The following ARHGAP30 variants were observed in gnomAD, a reference collection of about 807,000 sequenced individuals.
ARHGAP30 encodes the protein Rho GTPase activating protein 30, also known as rho GTPase-activating protein 30.
In ARHGAP30, 23 loss-of-function variants were observed where a neutral mutation model predicts 72.0. The observed-to-expected ratio is 0.32, with a 90% CI of 0.23 to 0.45. ARHGAP30 has a LOEUF of 0.45. Among genes scored for constraint, ARHGAP30 ranks in the 20% least tolerant of loss-of-function variants. The probability of loss-of-function intolerance (pLI) is 1.00; values close to 1 mark genes in which losing one functional copy is unlikely to be tolerated. For synonymous variants in ARHGAP30, 576 were observed against 528.2 expected (o/e 1.09, Z -1.24); for missense variants, 1,319 against 1,383.4 (o/e 0.95, Z 0.74).
chr1:161,051,194 C>G, intron 10 of ARHGAP30, 120 bp downstream of exon 10: 1 of 1,461,258 alleles, frequency 6.8e-7, no homozygotes. Context: ...CTAAAGGTAA[C>G]CACCCCAAAG....
Position 161,048,097 on chromosome 1 carries a change from G to T in ARHGAP30, c.2924C>A (p.Pro975His), listed in dbSNP as rs1337376874. Reference sequence around the variant, plus strand: ...TCGGGACCCCCAAGCCCTTTCTCCAGGAGTCCCATCAAGCCGGCCAGGCCT... The same window carrying T: ...TCGGGACCCCCAAGCCCTTTCTCCATGAGTCCCATCAAGCCGGCCAGGCCT... ...CPRPGRLDGT[P>H]GERAWGSRAS... Residue 975 changes from proline (P) to histidine (H), a missense_variant, in exon 12 of 12, where the codon CCT becomes CAT. Pro to His is a moderately conservative substitution (Grantham distance 77, BLOSUM62 -2). Transcript: ENST00000368013. The T allele has an allele frequency of 6.2e-7, 1 of 1,614,056 alleles. No homozygotes were observed. Among genetic ancestry groups the T allele is most frequent in the East Asian group, 2.2e-5 (1 of 44,902 alleles).
intron 9 of ARHGAP30, 70 bp downstream of exon 9, chr1:161,052,216 A>G (rs1651454994): frequency 1.2e-5 from 19 of 1,539,928 alleles, no homozygotes; most frequent in Non-Finnish European, 1.6e-5. Flanking sequence ...AGTTGGCTGC[A>G]TGTACACACA....
chr1:161,058,258 G>A (rs186227934), intron 2 of ARHGAP30, among the ~76,000 whole-genome samples: 41 of 151,758 alleles, frequency 2.7e-4, no homozygotes, highest in African/African-American at 9.4e-4. Flanking sequence ...GCTGCAGTGA[G>A]CTCAGATCAC....
At chr1:161,064,833 GA>G (rs1444462831) in intron 1 of ARHGAP30, among the ~76,000 whole-genome samples, 7 of 66,916 alleles carry the variant, frequency 1.0e-4, no homozygotes, top group African/African-American at 1.1e-4. Flanking sequence ...GAAAGAAAGA[GA>G]AAGAAAGAAA....
At chr1:161,052,910 C>T in intron 6 of ARHGAP30, 113 bp from the exon 7 acceptor site, 1 of 1,306,794 alleles carries the variant, frequency 7.7e-7, no homozygotes, top group South Asian at 1.5e-5. Context: ...TATTCAGAAG[C>T]CCCTGAAGAC....
At chr1:161,053,135 T>TC (rs1571083992) in intron 6 of ARHGAP30, 123 bp downstream of exon 6, 2 of 1,404,770 alleles carry the variant, frequency 1.4e-6, no homozygotes, top group Non-Finnish European at 9.8e-7. Flanking sequence ...CAGGGTTCTC[T>TC]CCATGTGGCC....
Position 161,051,697 on chromosome 1 carries a change from C to G in ARHGAP30, c.1037G>C (p.Gly346Ala). The change falls in exon 10 of 12, where the codon GGG becomes GCG. Residue 346 changes from glycine to alanine, a missense_variant. This residue lies in a region of ARHGAP30 where 1,097 missense variants were observed against 1,045.2 expected (regional missense o/e 1.05). Coordinates refer to ENST00000368013, the MANE Select transcript of ARHGAP30 (RefSeq NM_001025598.2). The stretch of plus-strand genomic sequence containing the variant: ...TGGGCTTGGCCGGGGGCTGCTGGGC[C>G]CCACCAGCCCCTCTGGCTCTGTGGA... Reference protein sequence around the residue: ...GASDEPEGLVGPSSPRPSPLL... With the variant: ...GASDEPEGLVAPSSPRPSPLL... The G allele has an allele frequency of 6.2e-7, 1 of 1,610,206 alleles. No homozygotes were observed. Among genetic ancestry groups the G allele is most frequent in the Non-Finnish European group, 8.5e-7 (1 of 1,178,564 alleles).
Position 161,052,562 on chromosome 1 carries a change from C to T in ARHGAP30, c.837-19G>A. On this transcript the variant is annotated intron_variant, in intron 7 of 11. Transcript: ENST00000368013. The stretch of plus-strand genomic sequence containing the variant: ...CTTCCTCCTACAAAGAATGGAGGGG[C>T]ATAATTGGAGGTTGGAACATGAAGG... 6.2e-7 allele frequency: 1 copy of T among 1,613,918 alleles called. No individual in the cohort carries two copies. The highest frequency in any genetic ancestry group is 8.5e-7 in the Non-Finnish European group (1 of 1,179,942).
rs1650882656 is a variant in ARHGAP30 at position 161,046,964 on chromosome 1, A to G, written c.*751T>C. 2.1e-6 allele frequency: 1 copy of G among 468,078 alleles called. No individual in the cohort carries two copies. The allele number at this position is 468,078 out of a possible 1,614,324, so 29.0% of individuals were successfully genotyped here. ...CACTATGTGTAAAAATACAGCTTTT[A>G]TTCTGAGACATTGACCTTCACTAGA... is the stretch of plus-strand genomic sequence containing the variant. On this transcript the variant is annotated 3_prime_UTR_variant, in exon 12 of 12. Transcript: ENST00000368013.
Position 161,048,853 on chromosome 1 carries a change from T to G in ARHGAP30, c.2168A>C (p.Gln723Pro), listed in dbSNP as rs759875755. 6.2e-7 allele frequency: 1 copy of G among 1,614,202 alleles called. No homozygotes were observed. The highest frequency in any genetic ancestry group is 1.7e-5 in the Admixed American group (1 of 60,022). Residue 723 changes from glutamine (Q) to proline (P), a missense_variant, in exon 12 of 12, where the codon CAG becomes CCG. Around this residue, in one of 2 missense-constraint regions of ARHGAP30, gnomAD observed 1,097 missense variants for 1,045.2 expected, o/e 1.05. Transcript: ENST00000368013. The part of the protein sequence containing the change: ...TEAKEEKSKG[Q>P]KKADSMEAKG... ...AGCCTCCATACTGTCAGCCTTCTTC[T>G]GACCTTTGGACTTCTCTTCCTTGGC...
rs147935735 is a variant in ARHGAP30, at chr1:161,051,640, A to G, written c.1094T>C (p.Ile365Thr). Residue 365 changes from isoleucine (I) to threonine (T), a missense_variant, in exon 10 of 12, where the codon ATA (isoleucine) becomes ACA (threonine). Coordinates refer to ENST00000368013, the MANE Select transcript of ARHGAP30 (RefSeq NM_001025598.2). ...CTCCTGTTCACCCTCTGCTGCCTCT[A>G]TAGAATCGTTCTCCAAGCTCTCAGG... ...LLPESLENDSIEAAEGEQEPE... is the reference protein window; with the variant it reads ...LLPESLENDSTEAAEGEQEPE... 3,587 of 1,613,056 alleles carry G rather than the reference A, an allele frequency of 2.2e-3. 77 individuals carry two copies. The South Asian group carries it at 0.032, about 14-fold the overall frequency.
chr1:161,056,380 C>T lies in ARHGAP30; in HGVS notation c.345+8G>A, dbSNP rs1004933381. On this transcript the variant is annotated splice_region_variant and intron_variant, in intron 3 of 11. Transcript: ENST00000368013. ...CCCTGTCTTCCACCCCTCGGCCTCT[C>T]AACTCACAGCAAACTTGTCATAGAG... The T allele has an allele frequency of 1.2e-6, 2 of 1,613,078 alleles. No homozygotes were observed. Among genetic ancestry groups the T allele is most frequent in the Admixed American group, 1.7e-5 (1 of 59,940 alleles).
At chr1:161,049,800 C>G in intron 10 of ARHGAP30, 111 bp from the exon 11 acceptor site, 2 of 1,360,472 alleles carry the variant, frequency 1.5e-6, no homozygotes, top group South Asian at 2.8e-5. Context: ...AGCATTGCTA[C>G]TCTGCATGAC....
At chr1:161,055,807 TA>T (rs1186430471) in intron 3 of ARHGAP30, among the ~76,000 whole-genome samples, 4 of 39,510 alleles carry the variant, frequency 1.0e-4, no homozygotes, top group Non-Finnish European at 1.9e-4. Flanking sequence ...AATAAAATAA[TA>T]AAATAAAATA....
chr1:161,051,505 A>C lies in ARHGAP30; in HGVS notation c.1229T>G (p.Val410Gly). 6.2e-7 allele frequency: 1 copy of C among 1,614,238 alleles called. No homozygotes were observed. The highest frequency in any genetic ancestry group is 1.1e-5 in the South Asian group (1 of 91,092). ...GSSRAERCAG[V>G]HISDPYNVNL... ...GACATTGTAGGGGTCTGAGATGTGG[A>C]CACCAGCACAGCGTTCTGCACGGCT... is the stretch of plus-strand genomic sequence containing the variant. The change falls in exon 10 of 12, where the codon GTC becomes GGC. Residue 410 changes from valine (V) to glycine (G), a missense_variant. Physicochemically the swap from Val to Gly is moderately radical, Grantham distance 109. This residue lies in a region of ARHGAP30 where 1,097 missense variants were observed against 1,045.2 expected (regional missense o/e 1.05). Transcript: ENST00000368013.
intron 1 of ARHGAP30, among the ~76,000 whole-genome samples, chr1:161,067,367 C>T (rs946029792): frequency 1.3e-5 from 2 of 151,994 alleles, no homozygotes; most frequent in South Asian, 2.1e-4. Flanking sequence ...GGTCAGTGTT[C>T]GAGACCAGCC....
intron 2 of ARHGAP30, 21 bp downstream of exon 2, chr1:161,059,593 C>T (rs1652168778): frequency 1.9e-6 from 3 of 1,600,166 alleles, no homozygotes; most frequent in East Asian, 2.2e-5. Context: ...TCACAGAGCC[C>T]TCCCACTCTG....
chr1:161,069,626 G>A lies in ARHGAP30; in HGVS notation c.-2C>T, dbSNP rs1395202196. The A allele has an allele frequency of 1.9e-6, 3 of 1,608,816 alleles. No homozygotes were observed. Among genetic ancestry groups the A allele is most frequent in the Non-Finnish European group, 2.5e-6 (3 of 1,179,978 alleles). ...CTTTCCTTTCTGCCGAGACTTCATG[G>A]CCAGAGCCCCAGGGCACTGGCCCGG... On this transcript the variant is annotated 5_prime_UTR_variant, in exon 1 of 12. Coordinates refer to ENST00000368013, the MANE Select transcript of ARHGAP30 (RefSeq NM_001025598.2). The surrounding 1 kb of genome is among the most constrained non-coding windows in gnomAD (Gnocchi z 4.9).
At chr1:161,056,258 G>C (rs527910819) in intron 3 of ARHGAP30, 130 bp downstream of exon 3, 1 of 1,307,568 alleles carries the variant, frequency 7.6e-7, no homozygotes. Flanking sequence ...CTTTTCCCCG[G>C]TAAGTTTTTC....
Sources: gnomAD v4.1 joint callset for allele counts (sites outside exome capture counted in the v4.1 genomes callset) on GRCh38, gnomAD v4.1.1 for gene constraint, gnomAD v4.1.1 regional missense constraint, Gnocchi (gnomAD v3.1) non-coding constraint, MANE v1.5 for transcripts, NCBI Gene and HGNC (gene_info 2026-07-23, HGNC 2026-07-21) for gene names.